Variants in ESRRG observed in about 807,000 individuals in gnomAD.
The protein encoded by ESRRG is estrogen related receptor gamma.
In ESRRG, 13 loss-of-function variants were observed where a neutral mutation model predicts 44.0. The ratio of observed to expected loss-of-function variants is 0.30; its 90% confidence interval spans 0.19 to 0.47. The LOEUF is 0.47. ESRRG is among the 20% of genes least tolerant of loss of function. The pLI, the probability that ESRRG is intolerant of heterozygous loss-of-function variation, is 1.00. For synonymous variants in ESRRG, 215 were observed against 214.6 expected, an observed-to-expected ratio of 1.00 and a Z score of -0.02; for missense variants, 395 against 580.6, an observed-to-expected ratio of 0.68 and a Z score of 3.29.
At chr1:216,600,853 C>CACAGG (rs759376790) in intron 3 of ESRRG, among the ~76,000 whole-genome samples, 7 of 152,198 alleles carry the variant, frequency 4.6e-5, no homozygotes, top group African/African-American at 1.4e-4. Context: ...CACAGCGGGT[C>CACAGG]ACAGGACACA....
chr1:216,919,874 G>A (rs1465345506), intron 2 of ESRRG, among the ~76,000 whole-genome samples: 1 of 152,148 alleles, frequency 6.6e-6, no homozygotes, highest in East Asian at 1.9e-4. Context: ...AGAGTCAATG[G>A]AAAATGAACA....
At chr1:216,853,257 G>C (rs904980679) in intron 2 of ESRRG, among the ~76,000 whole-genome samples, 1 of 152,134 alleles carries the variant, frequency 6.6e-6, no homozygotes, top group Non-Finnish European at 1.5e-5. Flanking sequence ...CCTTCTGATT[G>C]AGGCTTCACT....
At chr1:216,674,832 T>C (rs1255734584) in intron 2 of ESRRG, among the ~76,000 whole-genome samples, 1 of 151,934 alleles carries the variant, frequency 6.6e-6, no homozygotes, top group Non-Finnish European at 1.5e-5. Context: ...ATTAATCTCT[T>C]GAACTTTTGG....
At chr1:216,513,404 G>A (rs770716320) in intron 6 of ESRRG, among the ~76,000 whole-genome samples, 5 of 152,038 alleles carry the variant, frequency 3.3e-5, no homozygotes, top group South Asian at 2.1e-4. Flanking sequence ...TTTTAAAATC[G>A]AAAATAGTAA....
At chr1:216,796,546 G>T (rs1050564593) in intron 2 of ESRRG, among the ~76,000 whole-genome samples, 1 of 152,138 alleles carries the variant, frequency 6.6e-6, no homozygotes, top group Non-Finnish European at 1.5e-5. Flanking sequence ...CATTTGAGCG[G>T]CTTCTTCTCT....
intron 2 of ESRRG, among the ~76,000 whole-genome samples, chr1:216,831,350 A>G (rs1315423352): frequency 6.6e-6 from 1 of 152,172 alleles, no homozygotes; most frequent in East Asian, 1.9e-4. Flanking sequence ...CAAAAATTAC[A>G]TTTAAAAATA....
chr1:216,650,967 C>A lies in ESRRG; in HGVS notation c.589+6G>T. The A allele has an allele frequency of 6.3e-7, 1 of 1,577,336 alleles. No individual in the cohort carries two copies. The highest frequency in any genetic ancestry group is 1.3e-5 in the African/African-American group (1 of 74,170). On this transcript the variant is annotated splice_donor_region_variant and intron_variant, in intron 3 of 6. Transcript: ENST00000408911. ...AAACCTCAGGGGCACTAGCAAAGAG[C>A]CTTACCTTCTTTCAGCATGCCCACT...
chr1:217,117,632 A>G (rs532032869), intron 1 of ESRRG, among the ~76,000 whole-genome samples: 3 of 152,230 alleles, frequency 2.0e-5, no homozygotes, highest in Admixed American at 1.3e-4. Context: ...TAAAAATTAG[A>G]TGACATCAAA....
chr1:216,768,942 C>T (rs1301521869), intron 2 of ESRRG, among the ~76,000 whole-genome samples: 4 of 151,926 alleles, frequency 2.6e-5, no homozygotes, highest in Non-Finnish European at 5.9e-5. Flanking sequence ...TATGCTGCAC[C>T]CCTGTATTTT....
chr1:217,121,654 C>T (rs1286191976), intron 1 of ESRRG, among the ~76,000 whole-genome samples: 1 of 152,160 alleles, frequency 6.6e-6, no homozygotes, highest in Non-Finnish European at 1.5e-5. Flanking sequence ...CTCTGGACAT[C>T]TGGGAGGGTG....
chr1:216,888,495 G>A (rs1201955846), intron 2 of ESRRG, among the ~76,000 whole-genome samples: 4 of 152,062 alleles, frequency 2.6e-5, no homozygotes, highest in Non-Finnish European at 5.9e-5. Flanking sequence ...AAACTATAGT[G>A]TTAAAATCTT....
chr1:216,676,925 C>T, intron 2 of ESRRG, 151 bp downstream of exon 2: 1 of 618,068 alleles, frequency 1.6e-6, no homozygotes, highest in Non-Finnish European at 2.8e-6. Context: ...TTCTATAAAT[C>T]TTCCACTATC....
chr1:216,610,087 G>A (rs1212187697), intron 3 of ESRRG, among the ~76,000 whole-genome samples: 1 of 152,068 alleles, frequency 6.6e-6, no homozygotes, highest in Non-Finnish European at 1.5e-5. Flanking sequence ...ACCATAGCAG[G>A]TGTGCCTTCA....
intron 1 of ESRRG, among the ~76,000 whole-genome samples, chr1:217,003,882 T>TA (rs992959524): frequency 2.3e-4 from 34 of 145,392 alleles, no homozygotes; most frequent in East Asian, 1.6e-3. Flanking sequence ...ACCAAAAAAA[T>TA]AAAAAAAAAA....
In ESRRG at chr1:216,505,443, G is replaced by T. The variant is rs1571870914; in HGVS notation, c.*1496C>A. The T allele has an allele frequency of 6.6e-6, 1 of 152,548 alleles. No homozygotes were observed. The highest frequency in any genetic ancestry group is 1.5e-5 in the Non-Finnish European group (1 of 67,996). The allele number at this position is 152,548 out of a possible 1,614,324, so 9.4% of individuals were successfully genotyped here. On this transcript the variant is annotated 3_prime_UTR_variant, in exon 7 of 7. Coordinates refer to ENST00000408911, the MANE Select transcript of ESRRG (RefSeq NM_001438.4). ...TTTAGAATTTGGTCAGGCATTTTCT[G>T]TCTTTGATGATTTTTTTTTTTAATT...
At chr1:217,012,866 C>G (rs2078832525) in intron 1 of ESRRG, among the ~76,000 whole-genome samples, 1 of 152,146 alleles carries the variant, frequency 6.6e-6, no homozygotes, top group South Asian at 2.1e-4. Context: ...GTGGCTTAAA[C>G]CACAGTAATA....
intron 1 of ESRRG, among the ~76,000 whole-genome samples, chr1:216,710,078 T>C (rs2083291176): frequency 6.6e-6 from 1 of 152,232 alleles, no homozygotes; most frequent in Non-Finnish European, 1.5e-5. Flanking sequence ...GCCATTTACA[T>C]AGCCCATTGA....
intron 2 of ESRRG, among the ~76,000 whole-genome samples, chr1:216,652,164 C>T (rs1034322634): frequency 4.6e-5 from 7 of 152,150 alleles, no homozygotes; most frequent in African/African-American, 7.2e-5. Context: ...TCATCAGAGA[C>T]GGTCCGAGCA....
At chr1:216,940,560 A>C (rs2065049400) in intron 1 of ESRRG, among the ~76,000 whole-genome samples, 1 of 152,162 alleles carries the variant, frequency 6.6e-6, no homozygotes, top group Non-Finnish European at 1.5e-5. Context: ...GGTGCAATTT[A>C]TTAAGTAAAA....
Sources: allele counts gnomAD v4.1 joint callset (sites outside exome capture counted in the v4.1 genomes callset), GRCh38; gene constraint gnomAD v4.1.1; transcripts MANE v1.5; gene names NCBI Gene and HGNC (gene_info 2026-07-23, HGNC 2026-07-21).